SYN3: variants seen among roughly 807,000 people sequenced by gnomAD.
SYN3 encodes the protein synapsin-3.
A neutral mutation model predicts 65.8 loss-of-function variants in SYN3; 35 were observed. The observed-to-expected ratio is 0.53, with a 90% CI of 0.41 to 0.70. The LOEUF is 0.70. SYN3 is among the 30% of genes least tolerant of loss of function. SYN3 has a pLI of 0.00. For synonymous variants in SYN3, 270 were observed against 292.9 expected (o/e 0.92, Z 0.80); for missense variants, 680 against 749.0 (o/e 0.91, Z 1.08).
chr22:32,785,563 C>T (rs1320855845), intron 6 of SYN3, among the ~76,000 whole-genome samples: 2 of 152,144 alleles, frequency 1.3e-5, no homozygotes, highest in Non-Finnish European at 2.9e-5. Context: ...TTCAAATGCT[C>T]GTGCATCCCA....
chr22:32,688,262 A>G (rs1235859201), intron 6 of SYN3, among the ~76,000 whole-genome samples: 1 of 152,174 alleles, frequency 6.6e-6, no homozygotes. Context: ...TCTGTGGCTC[A>G]TGAGAACATA....
At chr22:33,029,173 C>CTT (rs133973) in intron 1 of SYN3, among the ~76,000 whole-genome samples, 6 of 144,066 alleles carry the variant, frequency 4.2e-5, no homozygotes, top group Non-Finnish European at 9.1e-5. Flanking sequence ...CCAAAGATGA[C>CTT]TTTTTTTTTT....
intron 6 of SYN3, among the ~76,000 whole-genome samples, chr22:32,611,636 C>T (rs1342010972): frequency 6.6e-6 from 1 of 152,134 alleles, no homozygotes. Flanking sequence ...AAGATCTCTG[C>T]TTCTGGCTTA....
At chr22:32,699,276 G>C (rs2060780083) in intron 6 of SYN3, among the ~76,000 whole-genome samples, 1 of 152,190 alleles carries the variant, frequency 6.6e-6, no homozygotes, top group Non-Finnish European at 1.5e-5. Flanking sequence ...CTGGCATGTA[G>C]GCTGAAGTTG....
At chr22:32,696,771 C>T (rs1186260154) in intron 6 of SYN3, among the ~76,000 whole-genome samples, 1 of 152,208 alleles carries the variant, frequency 6.6e-6, no homozygotes, top group African/African-American at 2.4e-5. Context: ...TCTCTCTCCT[C>T]TCTGTAGGAG....
chr22:32,831,296 G>C (rs377635055), intron 6 of SYN3, among the ~76,000 whole-genome samples: 2 of 152,210 alleles, frequency 1.3e-5, no homozygotes, highest in Admixed American at 1.3e-4. Context: ...GGGAGGACGG[G>C]GCTGGATGGT....
chr22:32,704,456 G>A (rs943831474), intron 6 of SYN3, among the ~76,000 whole-genome samples: 3 of 152,106 alleles, frequency 2.0e-5, no homozygotes, highest in Non-Finnish European at 4.4e-5. Flanking sequence ...TCTTTATCCA[G>A]TCTACCACTG....
chr22:32,781,559 A>T (rs545318681), intron 6 of SYN3, among the ~76,000 whole-genome samples: 31 of 152,294 alleles, frequency 2.0e-4, no homozygotes, highest in Non-Finnish European at 4.4e-4. Context: ...AGGAATTAAT[A>T]ATAAAATGTT....
At chr22:32,804,444 C>T (rs1260439891) in intron 6 of SYN3, among the ~76,000 whole-genome samples, 1 of 152,238 alleles carries the variant, frequency 6.6e-6, no homozygotes. Flanking sequence ...GGGACCCACA[C>T]AACCCCACCA....
chr22:32,606,238 C>T (rs886387834), intron 6 of SYN3, among the ~76,000 whole-genome samples: 7 of 152,122 alleles, frequency 4.6e-5, no homozygotes, highest in Non-Finnish European at 7.4e-5. Flanking sequence ...GCCTGAGGCC[C>T]AGGTTGTGAG....
chr22:32,515,169 G>A (rs1402561650), intron 13 of SYN3, among the ~76,000 whole-genome samples: 1 of 152,156 alleles, frequency 6.6e-6, no homozygotes, highest in African/African-American at 2.4e-5. Context: ...GTTCTTTAAA[G>A]CAGTAAGTCA....
At chr22:32,781,738 A>G (rs2046071751) in intron 6 of SYN3, among the ~76,000 whole-genome samples, 1 of 151,554 alleles carries the variant, frequency 6.6e-6, no homozygotes, top group Non-Finnish European at 1.5e-5. Flanking sequence ...GGGCTGAGAC[A>G]CAATTGCTAT....
intron 6 of SYN3, among the ~76,000 whole-genome samples, chr22:32,677,341 T>C (rs2060460270): frequency 6.6e-6 from 1 of 152,150 alleles, no homozygotes; most frequent in African/African-American, 2.4e-5. Flanking sequence ...ATGTAACACA[T>C]CTGTACTAGG....
chr22:32,976,664 C>G (rs1001742780), intron 3 of SYN3, among the ~76,000 whole-genome samples: 1 of 152,188 alleles, frequency 6.6e-6, no homozygotes, highest in Admixed American at 6.5e-5. Flanking sequence ...CCCCGCAGAG[C>G]CAGTAGGGCA....
intron 6 of SYN3, among the ~76,000 whole-genome samples, chr22:32,664,436 C>CATTT (rs770651536): frequency 1.6e-4 from 24 of 151,894 alleles, no homozygotes; most frequent in Non-Finnish European, 3.2e-4. Context: ...CTAACAGCAG[C>CATTT]ATTTATTTAT....
intron 4 of SYN3, among the ~76,000 whole-genome samples, chr22:32,891,483 G>A (rs532566639): frequency 3.9e-5 from 6 of 152,164 alleles, no homozygotes; most frequent in Non-Finnish European, 7.4e-5. Flanking sequence ...TCTGTAAGGA[G>A]GTCTGAAGAG....
intron 6 of SYN3, among the ~76,000 whole-genome samples, chr22:32,724,821 GGCCAAACACCTCTTCTGGGCCGAGC>G (rs1485124604): frequency 3.3e-5 from 5 of 152,020 alleles, no homozygotes; most frequent in African/African-American, 4.8e-5. Context: ...GAGAGGAGTA[GGCCAAACACCTCTTCTGGGCCGAGC>G]GCGGTGGCTC....
chr22:32,997,313 T>C (rs886555114), intron 2 of SYN3, among the ~76,000 whole-genome samples: 3 of 152,162 alleles, frequency 2.0e-5, no homozygotes, highest in Admixed American at 1.3e-4. Context: ...AAGATGATGA[T>C]GCAGACACGA....
At chr22:32,599,471 G>A (rs1424616071) in intron 6 of SYN3, among the ~76,000 whole-genome samples, 5 of 151,918 alleles carry the variant, frequency 3.3e-5, no homozygotes, top group African/African-American at 7.3e-5. Context: ...ACAGGTGCCC[G>A]CCACCATGCC....
Sources: allele counts gnomAD v4.1 joint callset (sites outside exome capture counted in the v4.1 genomes callset), GRCh38; gene constraint gnomAD v4.1.1; transcripts MANE v1.5; gene names NCBI Gene and HGNC (gene_info 2026-07-23, HGNC 2026-07-21).